The following CNEP1R1 variants were observed in gnomAD, a reference collection of about 807,000 sequenced individuals.
CNEP1R1 encodes the protein nuclear envelope phosphatase-regulatory subunit 1.
CNEP1R1 carries 10 observed loss-of-function variants against 22.7 expected under a neutral mutation model. The observed-to-expected ratio is 0.44, with a 90% CI of 0.27 to 0.75. CNEP1R1 has a LOEUF of 0.75. CNEP1R1 is among the 30% of genes least tolerant of loss of function. The probability of loss-of-function intolerance (pLI) is 0.17; values close to 1 mark genes in which losing one functional copy is unlikely to be tolerated. For synonymous variants in CNEP1R1, 53 were observed against 50.1 expected (o/e 1.06, Z -0.25); for missense variants, 73 against 151.5 (o/e 0.48, Z 2.72).
chr16:50,028,039 C>T (rs1331443154), intron 2 of CNEP1R1, among the ~76,000 whole-genome samples: 2 of 152,178 alleles, frequency 1.3e-5, no homozygotes, highest in Non-Finnish European at 2.9e-5. Context: ...CTCACTGCAA[C>T]CTCTGCCTCC....
chr16:50,031,063 G>GTGA (rs1199078863), intron 3 of CNEP1R1, among the ~76,000 whole-genome samples: 1 of 152,032 alleles, frequency 6.6e-6, no homozygotes, highest in Non-Finnish European at 1.5e-5. Flanking sequence ...CAATTTTTTA[G>GTGA]TGAAGTTTCT....
intron 3 of CNEP1R1, among the ~76,000 whole-genome samples, chr16:50,031,744 T>G (rs1161906453): frequency 4.0e-5 from 1 of 24,768 alleles, no homozygotes; most frequent in African/African-American, 1.8e-4. Context: ...TAGCAAGAGT[T>G]GCAAACTCAG....
rs1007479126 is a variant in CNEP1R1, at chr16:50,037,033, A to G, written c.*1575A>G. The G allele has an allele frequency of 6.6e-6, 1 of 152,644 alleles. No individual in the cohort carries two copies. The highest frequency in any genetic ancestry group is 2.4e-5 in the African/African-American group (1 of 41,448). 9.5% of individuals were successfully genotyped at this position (152,644 alleles called of 1,614,324 possible). ...TATTCTGCTTTGTTTTATTTTCTGT[A>G]AATTTTGTAGGTAAATATGTGCATT... On this transcript the variant is annotated 3_prime_UTR_variant, in exon 6 of 6. Coordinates refer to ENST00000427478, the MANE Select transcript of CNEP1R1 (RefSeq NM_001281789.2).
At chr16:50,025,903 C>G (rs920158557) in intron 1 of CNEP1R1, 2 of 575,686 alleles carry the variant, frequency 3.5e-6, no homozygotes, top group Admixed American at 3.2e-5. Context: ...GTCAAGAAGT[C>G]TAGTAAGGCC....
intron 3 of CNEP1R1, among the ~76,000 whole-genome samples, chr16:50,032,735 T>C (rs2036241658): frequency 6.6e-6 from 1 of 152,206 alleles, no homozygotes; most frequent in Non-Finnish European, 1.5e-5. Context: ...CTGAGCGTGG[T>C]GGTTCACGCC....
intron 3 of CNEP1R1, among the ~76,000 whole-genome samples, chr16:50,033,060 T>C (rs2036244971): frequency 6.6e-6 from 1 of 152,106 alleles, no homozygotes; most frequent in Non-Finnish European, 1.5e-5. Flanking sequence ...GTGTTTTCAT[T>C]GAGACCAGAG....
At position 50,027,507 on chromosome 16, in the gene CNEP1R1, C is replaced by CAAA. The variant is rs71138024; in HGVS notation, c.97+1057_97+1059dup. ...TGGGCGACAGAGCGAGACTCTGTCT[C>CAAA]AAAAAAAAAAAAAAAAAAATTTAGC... On this transcript the variant is annotated intron_variant, in intron 2 of 5. Coordinates refer to ENST00000427478, the MANE Select transcript of CNEP1R1 (RefSeq NM_001281789.2). 6.4e-5 allele frequency among the ~76,000 whole-genome samples: 7 copies of CAAA among 110,058 alleles called. No individual in the cohort carries two copies. In the East Asian group the frequency reaches 1.0e-3, roughly 17 times the overall value. The allele number at this position is 110,058 out of a possible 152,430, so 72.2% of individuals were successfully genotyped here.
chr16:50,034,381 A>G, intron 5 of CNEP1R1: 1 of 512,266 alleles, frequency 2.0e-6, no homozygotes, highest in Non-Finnish European at 3.5e-6. Context: ...TTGACAATTT[A>G]ATCTTTCTTA....
intron 2 of CNEP1R1, among the ~76,000 whole-genome samples, chr16:50,027,719 C>T (rs1567410200): frequency 6.6e-6 from 1 of 151,276 alleles, no homozygotes; most frequent in African/African-American, 2.4e-5. Flanking sequence ...TTAATGTATA[C>T]TTGGAAAAGT....
intron 2 of CNEP1R1, among the ~76,000 whole-genome samples, chr16:50,027,670 C>G (rs1463438632): frequency 2.0e-5 from 3 of 150,150 alleles, no homozygotes; most frequent in Admixed American, 2.0e-4. Context: ...CAGAGGGAGA[C>G]CCTGTGTTTA....
chr16:50,033,948 A>C (rs1452377718), intron 4 of CNEP1R1, among the ~76,000 whole-genome samples, 154 bp from the exon 5 acceptor site: 1 of 146,886 alleles, frequency 6.8e-6, no homozygotes, highest in Non-Finnish European at 1.5e-5. Context: ...CAGTGGCGCG[A>C]TCTCGGATTA....
In CNEP1R1 at chr16:50,036,030, C is replaced by G. The variant is rs940208943; in HGVS notation, c.*572C>G. 1.3e-5 allele frequency: 2 copies of G among 152,322 alleles called. No homozygotes were observed. Among genetic ancestry groups the G allele is most frequent in the African/African-American group, 2.4e-5 (1 of 41,374 alleles). 9.4% of individuals were successfully genotyped at this position (152,322 alleles called of 1,614,324 possible). The stretch of plus-strand genomic sequence containing the variant: ...AAGAAATTATAGATGTTTTGAGAGA[C>G]ACTTTTTGTTAAACCAGATATTGAA... On this transcript the variant is annotated 3_prime_UTR_variant, in exon 6 of 6. Transcript: ENST00000427478.
At chr16:50,026,337 T>A (rs1343629720) in intron 1 of CNEP1R1, 59 bp from the exon 2 acceptor site, 3 of 1,240,616 alleles carry the variant, frequency 2.4e-6, no homozygotes, top group Non-Finnish European at 3.5e-6. Context: ...GTAAATACTC[T>A]GACATTTCGT....
chr16:50,031,081 A>C (rs557571350), intron 3 of CNEP1R1, among the ~76,000 whole-genome samples: 43 of 152,246 alleles, frequency 2.8e-4, no homozygotes, highest in African/African-American at 9.6e-4. Context: ...TCTTTCCCCC[A>C]GTGCAGTTTT....
chr16:50,027,634 T>C (rs1267187458), intron 2 of CNEP1R1, among the ~76,000 whole-genome samples: 2 of 151,646 alleles, frequency 1.3e-5, no homozygotes, highest in African/African-American at 2.4e-5. Context: ...AAGTGAGCTA[T>C]GTTCACTGCA....
At chr16:50,026,252 G>C (rs1597115856) in intron 1 of CNEP1R1, 144 bp from the exon 2 acceptor site, 15 of 615,202 alleles carry the variant, frequency 2.4e-5, no homozygotes, top group South Asian at 2.2e-4. Context: ...GAAATAAACA[G>C]TGCAGTGATA....
chr16:50,029,641 T>C, intron 2 of CNEP1R1, 84 bp from the exon 3 acceptor site: 3 of 782,494 alleles, frequency 3.8e-6, no homozygotes, highest in East Asian at 2.6e-5. Context: ...TATTCTTTGG[T>C]TGTCATTTAG....
intron 3 of CNEP1R1, among the ~76,000 whole-genome samples, chr16:50,032,908 G>A (rs2036243494): frequency 6.6e-6 from 1 of 152,068 alleles, no homozygotes; most frequent in Non-Finnish European, 1.5e-5. Flanking sequence ...GGGAGGGTGA[G>A]GCAGGAGAAT....
rs1567412423 is a variant in CNEP1R1 at position 50,035,464 on chromosome 16, TTCAC to T, written c.*10_*13del. Reference sequence around the variant, plus strand: ...CTAGGCCTCATGTTCAATGACAATCTTCACTCATTGTTATGGGACTTAAAATAGC... The same window carrying T: ...CTAGGCCTCATGTTCAATGACAATCTTCATTGTTATGGGACTTAAAATAGC... On this transcript the variant is annotated 3_prime_UTR_variant, in exon 6 of 6. Coordinates refer to ENST00000427478, the MANE Select transcript of CNEP1R1 (RefSeq NM_001281789.2). The T allele has an allele frequency of 1.3e-6, 2 of 1,576,230 alleles. No homozygotes were observed. The highest frequency in any genetic ancestry group is 1.7e-6 in the Non-Finnish European group (2 of 1,155,690).
Sources: gnomAD v4.1 joint callset for allele counts (sites outside exome capture counted in the v4.1 genomes callset) on GRCh38, gnomAD v4.1.1 for gene constraint, MANE v1.5 for transcripts, NCBI Gene and HGNC (gene_info 2026-07-23, HGNC 2026-07-21) for gene names.